The following RARB variants were observed in gnomAD, a reference collection of about 807,000 sequenced individuals.
The protein encoded by RARB is HBV-activated protein.
Under a neutral mutation model 51.9 loss-of-function variants are expected in RARB, and 17 were observed. The ratio of observed to expected loss-of-function variants is 0.33; its 90% CI spans 0.22 to 0.49. The LOEUF is 0.49. RARB is among the 20% of genes least tolerant of loss of function. The probability of loss-of-function intolerance (pLI) is 0.99; values close to 1 mark genes in which losing one functional copy is unlikely to be tolerated. For missense variants in RARB, 369 were observed against 550.8 expected (o/e 0.67, Z 3.30); for synonymous variants, 215 against 195.4 (o/e 1.10, Z -0.84).
chr3:25,108,314 CAT>C (rs1699544015), intron 3 of RARB, among the ~76,000 whole-genome samples: 1 of 152,142 alleles, frequency 6.6e-6, no homozygotes, highest in Non-Finnish European at 1.5e-5. Context: ...ATGGCTCAGT[CAT>C]AATAGAAGTT....
In RARB at chr3:24,963,171, T is replaced by C. The variant is rs143658557; in HGVS notation, c.-379-96954T>C. ...TTGGTTTTGATGATGATCTTTGTTT[T>C]TTAAAAGCTAGTTACATATTGATCC... On this transcript the variant is annotated intron_variant, in intron 2 of 11. Coordinates refer to the RARB transcript ENST00000383772. 4.1e-3 allele frequency among the ~76,000 whole-genome samples: 624 copies of C among 152,220 alleles called. 3 individuals carry two copies. Among genetic ancestry groups the C allele is most frequent in the African/African-American group, 0.014 (595 of 41,532 alleles).
intron 5 of RARB, among the ~76,000 whole-genome samples, chr3:25,391,369 G>C (rs567387075): frequency 6.6e-6 from 1 of 152,086 alleles, no homozygotes; most frequent in Non-Finnish European, 1.5e-5. Context: ...TGTGCAAGTG[G>C]CTTTTTCATA....
intron 3 of RARB, among the ~76,000 whole-genome samples, chr3:25,551,389 C>T (rs1699846592): frequency 6.6e-6 from 1 of 152,152 alleles, no homozygotes; most frequent in East Asian, 1.9e-4. Context: ...GTTTGAGAAA[C>T]AGTAGATAGA....
At chr3:25,360,903 C>A (rs913817962) in intron 5 of RARB, among the ~76,000 whole-genome samples, 3 of 152,098 alleles carry the variant, frequency 2.0e-5, no homozygotes, top group Non-Finnish European at 2.9e-5. Context: ...CTCTGGCTGC[C>A]CTTAACATTT....
chr3:25,265,403 C>T (rs1465254075), intron 5 of RARB, among the ~76,000 whole-genome samples: 1 of 152,156 alleles, frequency 6.6e-6, no homozygotes, highest in Non-Finnish European at 1.5e-5. Flanking sequence ...AGCAAGTTTT[C>T]CCACTTCCTC....
intron 2 of RARB, chr3:24,858,870 C>G (rs776243968): frequency 6.6e-6 from 1 of 151,810 alleles, no homozygotes; most frequent in Non-Finnish European, 1.5e-5. Flanking sequence ...AACCCCGTCC[C>G]TATTAAAAAT....
In RARB at chr3:25,352,916, C is replaced by G. The variant is rs1705619906; in HGVS notation, c.179-108277C>G. 2.6e-5 allele frequency among the ~76,000 whole-genome samples: 4 copies of G among 152,196 alleles called. No individual in the cohort carries two copies. In the South Asian group the frequency reaches 8.3e-4, roughly 31 times the overall value. ...TCCTTGGACATTCACTTCTCAAAGA[C>G]TCGGCTTTTCTCATCTGTGTAACAT... On this transcript the variant is annotated intron_variant, in intron 5 of 11. Transcript: ENST00000383772.
At chr3:24,920,545 A>C (rs1281461603) in intron 2 of RARB, among the ~76,000 whole-genome samples, 1 of 151,810 alleles carries the variant, frequency 6.6e-6, no homozygotes, top group Non-Finnish European at 1.5e-5. Context: ...AATCAACTCT[A>C]ATTCTCTTCT....
intron 2 of RARB, among the ~76,000 whole-genome samples, chr3:25,032,939 T>C (rs1697905731): frequency 6.6e-6 from 1 of 152,218 alleles, no homozygotes; most frequent in Admixed American, 6.6e-5. Flanking sequence ...CATAGTATTT[T>C]GCAACCCATA....
In RARB at chr3:25,259,984, C is replaced by G. The variant is rs1283226998; in HGVS notation, c.178+85409C>G. The G allele has an allele frequency of 3.0e-5, 30 of 985,270 alleles. No homozygotes were observed. The South Asian group carries it at 4.7e-4, about 15-fold the overall frequency. 61.0% of individuals were successfully genotyped at this position (985,270 alleles called of 1,614,324 possible). A position where few individuals can be genotyped will look rare whatever the true frequency, so the allele number is the denominator to read the frequency against. Reference sequence around the variant, plus strand: ...AGTGTGGAGCCAACTTCTCAGCCAGCCTTTTACTCTCCTCAGTTTGTTTTT... The same window carrying G: ...AGTGTGGAGCCAACTTCTCAGCCAGGCTTTTACTCTCCTCAGTTTGTTTTT... On this transcript the variant is annotated intron_variant, in intron 5 of 11. Coordinates refer to the RARB transcript ENST00000383772.
At chr3:25,449,464 G>C (rs780542014) in intron 1 of RARB, among the ~76,000 whole-genome samples, 7 of 152,028 alleles carry the variant, frequency 4.6e-5, no homozygotes, top group Non-Finnish European at 8.8e-5. Flanking sequence ...GGTTAACTGT[G>C]TGTCTGTCTG....
chr3:25,486,738 C>CA (rs1696494136), intron 2 of RARB, among the ~76,000 whole-genome samples: 1 of 152,128 alleles, frequency 6.6e-6, no homozygotes, highest in South Asian at 2.1e-4. Flanking sequence ...TTTTTGGCTA[C>CA]ATTCTGATAT....
intron 2 of RARB, among the ~76,000 whole-genome samples, chr3:24,962,353 A>G (rs1473891674): frequency 2.0e-5 from 3 of 152,166 alleles, no homozygotes; most frequent in Non-Finnish European, 2.9e-5. Flanking sequence ...TAGGATATTT[A>G]GTAACATTCC....
At chr3:25,271,607 C>A (rs769520378) in intron 5 of RARB, among the ~76,000 whole-genome samples, 4 of 152,148 alleles carry the variant, frequency 2.6e-5, no homozygotes, top group Non-Finnish European at 4.4e-5. Context: ...GTCTTTCCTG[C>A]AACATAACTC....
chr3:25,299,994 G>T (rs772486974), intron 5 of RARB, among the ~76,000 whole-genome samples: 17 of 152,218 alleles, frequency 1.1e-4, no homozygotes, highest in South Asian at 6.2e-4. Flanking sequence ...GTGTTAAATT[G>T]ATTTTTTTAA....
chr3:25,209,099 C>G (rs981886813), intron 5 of RARB, among the ~76,000 whole-genome samples: 1 of 152,188 alleles, frequency 6.6e-6, no homozygotes, highest in Non-Finnish European at 1.5e-5. Flanking sequence ...TAACAAGTGG[C>G]CACTAATATA....
At chr3:24,833,431 T>C (rs1355201084) in intron 1 of RARB, among the ~76,000 whole-genome samples, 1 of 152,220 alleles carries the variant, frequency 6.6e-6, no homozygotes, top group Non-Finnish European at 1.5e-5. Context: ...GCTTCCGCTT[T>C]AGGTAATATC....
At chr3:25,063,731 G>A (rs976970522) in intron 3 of RARB, among the ~76,000 whole-genome samples, 1 of 146,740 alleles carries the variant, frequency 6.8e-6, no homozygotes, top group Non-Finnish European at 1.5e-5. Context: ...TTTTTAAAAA[G>A]ATGAGGAAAC....
chr3:25,407,097 G>C (rs950074251), intron 5 of RARB, among the ~76,000 whole-genome samples: 4 of 152,080 alleles, frequency 2.6e-5, no homozygotes, highest in Admixed American at 1.3e-4. Context: ...CATTCAGCCC[G>C]ATCTTTTCGG....
Sources: gnomAD v4.1 joint callset for allele counts (sites outside exome capture counted in the v4.1 genomes callset) on GRCh38, gnomAD v4.1.1 for gene constraint, MANE v1.5 for transcripts, NCBI Gene and HGNC (gene_info 2026-07-23, HGNC 2026-07-21) for gene names.